Variants in ADAMTS14 observed in about 807,000 individuals in gnomAD.
ADAMTS14 encodes the protein ADAM metallopeptidase with thrombospondin type 1 motif 14.
Under a neutral mutation model 128.6 loss-of-function variants are expected in ADAMTS14, and 100 were observed. That is an observed-to-expected ratio of 0.78 (90% CI 0.66 to 0.92). The LOEUF (loss-of-function observed/expected upper bound fraction) is 0.92, where lower values mean the gene tolerates loss of function less well. ADAMTS14 is among the 40% of genes least tolerant of loss of function. The pLI is 0.00. For missense variants in ADAMTS14, 1,562 were observed against 1,658.6 expected (o/e 0.94, Z 1.01); for synonymous variants, 665 against 653.8 (o/e 1.02, Z -0.26).
chr10:70,704,605 C>G (rs1456871964), intron 3 of ADAMTS14, among the ~76,000 whole-genome samples: 1 of 150,382 alleles, frequency 6.6e-6, no homozygotes, highest in Non-Finnish European at 1.5e-5. Flanking sequence ...CAAACACACA[C>G]CCATACACCC....
intron 4 of ADAMTS14, among the ~76,000 whole-genome samples, chr10:70,724,401 G>A (rs763662192): frequency 4.6e-5 from 7 of 152,182 alleles, no homozygotes; most frequent in African/African-American, 4.8e-5. Context: ...CATGGGAAGC[G>A]ATCCGTGATC....
intron 2 of ADAMTS14, among the ~76,000 whole-genome samples, chr10:70,689,448 G>A (rs1404330771): frequency 6.9e-6 from 1 of 144,968 alleles, no homozygotes; most frequent in Non-Finnish European, 1.6e-5. Flanking sequence ...GGTGGCCTTC[G>A]AGCTGGGTGA....
chr10:70,721,023 T>C lies in ADAMTS14; in HGVS notation c.871-8271T>C, dbSNP rs566860718. Reference sequence around the variant, plus strand: ...AGAGAGCTTTTTCTCTTTTTTCTTTTTTTTTTTTTTTTTTTTTTTGAGATG... The same window carrying C: ...AGAGAGCTTTTTCTCTTTTTTCTTTCTTTTTTTTTTTTTTTTTTTGAGATG... On this transcript the variant is annotated intron_variant, in intron 4 of 21. Coordinates refer to ENST00000373207, the MANE Select transcript of ADAMTS14 (RefSeq NM_080722.4). 5.8e-5 allele frequency among the ~76,000 whole-genome samples: 8 copies of C among 137,356 alleles called. No homozygotes were observed. In the South Asian group the frequency reaches 7.8e-4, roughly 13 times the overall value. 90.1% of individuals were successfully genotyped at this position (137,356 alleles called of 152,430 possible). A position where few individuals can be genotyped will look rare whatever the true frequency, so the allele number is the denominator to read the frequency against.
At chr10:70,743,919 C>T (rs1188795280) in intron 13 of ADAMTS14, 147 bp from the exon 14 acceptor site, 12 of 1,221,206 alleles carry the variant, frequency 9.8e-6, no homozygotes, top group South Asian at 3.2e-5. Flanking sequence ...CCAGGTCCCA[C>T]GGTGAATTCG....
intron 12 of ADAMTS14, among the ~76,000 whole-genome samples, chr10:70,743,197 T>C (rs1842060224): frequency 2.6e-5 from 4 of 152,348 alleles, no homozygotes; most frequent in Non-Finnish European, 5.9e-5. Context: ...AAAGCTGTAT[T>C]TTAAGGGCAT....
intron 7 of ADAMTS14, 23 bp downstream of exon 7, chr10:70,732,382 G>T: frequency 6.3e-7 from 1 of 1,592,914 alleles, no homozygotes; most frequent in Middle Eastern, 1.7e-4. Flanking sequence ...AGCACGGTGG[G>T]TGGGACTGGC....
In ADAMTS14 at chr10:70,672,769, G is replaced by T; in HGVS notation, c.-34G>T. 1 of 1,489,758 alleles carries T rather than the reference G, an allele frequency of 6.7e-7. No homozygotes were observed. Among genetic ancestry groups the T allele is most frequent in the South Asian group, 1.3e-5 (1 of 78,668 alleles). 92.3% of individuals were successfully genotyped at this position (1,489,758 alleles called of 1,614,324 possible). A position where few individuals can be genotyped will look rare whatever the true frequency, so the allele number is the denominator to read the frequency against. On this transcript the variant is annotated 5_prime_UTR_variant, in exon 1 of 22. Transcript: ENST00000373207. ...CCCTCAGCCTGGGACTTGGGGATCG[G>T]GCGCTTGCCCAGCCCGCGTCCCAGC...
At chr10:70,715,704 G>C (rs1028207054) in intron 4 of ADAMTS14, among the ~76,000 whole-genome samples, 18 of 152,176 alleles carry the variant, frequency 1.2e-4, no homozygotes, top group African/African-American at 4.3e-4. Flanking sequence ...TGGGCTATAA[G>C]TGAGATGTTT....
intron 2 of ADAMTS14, among the ~76,000 whole-genome samples, chr10:70,696,584 T>G (rs527341535): frequency 6.6e-6 from 1 of 151,664 alleles, no homozygotes; most frequent in South Asian, 2.1e-4. Context: ...AGAGGGAAAG[T>G]GGGTGAGAGA....
chr10:70,722,200 T>C (rs1841292563), intron 4 of ADAMTS14, among the ~76,000 whole-genome samples: 1 of 152,032 alleles, frequency 6.6e-6, no homozygotes, highest in African/African-American at 2.4e-5. Flanking sequence ...TTGGGGGTGC[T>C]GGGGGCTAGA....
chr10:70,754,593 G>A (rs1400533076), intron 19 of ADAMTS14, among the ~76,000 whole-genome samples: 1 of 152,154 alleles, frequency 6.6e-6, no homozygotes, highest in Admixed American at 6.5e-5. Context: ...ATTTTACAAC[G>A]TTCCAGAAGC....
rs1426903869 is a variant in ADAMTS14, at chr10:70,760,788, G to A, written c.3607G>A (p.Gly1203Arg). ...ACCTACGCCAGTCCCTGAGGACAAA[G>A]GGCAACCTGGAGAAGACCTGAGACA... ...QTPTPVPEDK[G>R]QPGEDLRHPG... Residue 1203 changes from glycine to arginine, a missense_variant, in exon 22 of 22, where the codon GGG (glycine) becomes AGG (arginine). Gly to Arg is a moderately radical substitution (Grantham distance 125). Transcript: ENST00000373207. 1.2e-6 allele frequency: 2 copies of A among 1,609,554 alleles called. No individual in the cohort carries two copies. The highest frequency in any genetic ancestry group is 1.7e-6 in the Non-Finnish European group (2 of 1,177,212).
chr10:70,735,076 A>G (rs1242939300), intron 8 of ADAMTS14, 93 bp from the exon 9 acceptor site: 3 of 1,491,134 alleles, frequency 2.0e-6, no homozygotes, highest in Non-Finnish European at 2.7e-6. Flanking sequence ...AAATTCTTGC[A>G]GGCCTTGCTC....
chr10:70,688,616 G>C (rs1275918372), intron 2 of ADAMTS14, among the ~76,000 whole-genome samples: 2 of 102,790 alleles, frequency 1.9e-5, no homozygotes, highest in African/African-American at 3.5e-5. Context: ...CTGCAATCCC[G>C]GCACCTCGGG....
In ADAMTS14 at chr10:70,758,240, G is replaced by A. The variant is rs1201527741; in HGVS notation, c.3133G>A (p.Val1045Met). The change falls in exon 21 of 22, where the codon GTG (valine) becomes ATG (methionine). Residue 1045 changes from valine to methionine, a missense_variant. Physicochemically the swap from Val to Met is conservative, Grantham distance 21. Coordinates refer to ENST00000373207, the MANE Select transcript of ADAMTS14 (RefSeq NM_080722.4). Reference protein sequence around the residue: ...WELGTPEGQWVPQSEPLHPIN... With the variant: ...WELGTPEGQWMPQSEPLHPIN... ...ACTTGGGACGCCAGAGGGGCAGTGG[G>A]TGCCACAATCTGAACCCCTACATCC... 6.2e-7 allele frequency: 1 copy of A among 1,614,246 alleles called. No homozygotes were observed.
Position 70,759,554 on chromosome 10 carries a change from A to G in ADAMTS14, c.3179-806A>G, listed in dbSNP as rs551738217. Reference sequence around the variant, plus strand: ...TTATTATTCACTGGTAAGGGTCAACATCAGCCCCATTTTATAGGTGAAGCA... The same window carrying G: ...TTATTATTCACTGGTAAGGGTCAACGTCAGCCCCATTTTATAGGTGAAGCA... On this transcript the variant is annotated intron_variant, in intron 21 of 21. Coordinates refer to ENST00000373207, the MANE Select transcript of ADAMTS14 (RefSeq NM_080722.4). Among the ~76,000 whole-genome samples, 5 of 152,358 alleles carry G rather than the reference A, an allele frequency of 3.3e-5. No homozygotes were observed. The East Asian group carries it at 5.8e-4, about 18-fold the overall frequency.
At position 70,744,177 on chromosome 10, in the gene ADAMTS14, T is replaced by G; in HGVS notation, c.2170T>G (p.Ser724Ala). Residue 724 changes from serine (S) to alanine (A), a missense_variant, in exon 14 of 22, where the codon TCC becomes GCC. By Grantham distance (99) the Ser-to-Ala change is moderately conservative. Coordinates refer to ENST00000373207, the MANE Select transcript of ADAMTS14 (RefSeq NM_080722.4). ...TGTGAAGGGGACGCTGGGCAAGGCC[T>G]CCAAGCAGGCAGGTGAGCCGGGCTG... ...RTVKGTLGKA[S>A]KQAGALKLVQ... The G allele has an allele frequency of 3.3e-6, 5 of 1,533,902 alleles. No individual in the cohort carries two copies. The highest frequency in any genetic ancestry group is 4.4e-6 in the Non-Finnish European group (5 of 1,134,824).
chr10:70,674,588 G>T lies in ADAMTS14; in HGVS notation c.115G>T (p.Gly39Cys), dbSNP rs1839582377. The T allele has an allele frequency of 6.2e-7, 1 of 1,613,732 alleles. No homozygotes were observed. The highest frequency in any genetic ancestry group is 8.5e-7 in the Non-Finnish European group (1 of 1,179,904). Reference sequence around the variant, plus strand: ...CCTCTCTGGAAAGCTCAGTGACTATGGTGTGACAGTGCCCTGCAGCACAGA... The same window carrying T: ...CCTCTCTGGAAAGCTCAGTGACTATTGTGTGACAGTGCCCTGCAGCACAGA... ...LHLSGKLSDY[G>C]VTVPCSTDFR... Residue 39 changes from glycine to cysteine, a missense_variant, in exon 2 of 22, where the codon GGT (glycine) becomes TGT (cysteine). Coordinates refer to ENST00000373207, the MANE Select transcript of ADAMTS14 (RefSeq NM_080722.4).
chr10:70,672,722 G>C lies in ADAMTS14; in HGVS notation c.-81G>C, dbSNP rs1231385979. 1.1e-5 allele frequency: 15 copies of C among 1,381,826 alleles called. No homozygotes were observed. Among genetic ancestry groups the C allele is most frequent in the Non-Finnish European group, 1.4e-5 (15 of 1,072,272 alleles). The allele number at this position is 1,381,826 out of a possible 1,614,324, so 85.6% of individuals were successfully genotyped here. ...CAGCCAGCCGGTGCTCCGACAGCCC[G>C]GGGCGCACCCTAGCCTCGCCGCCCT... On this transcript the variant is annotated 5_prime_UTR_variant, in exon 1 of 22. Coordinates refer to ENST00000373207, the MANE Select transcript of ADAMTS14 (RefSeq NM_080722.4).
Sources: allele counts gnomAD v4.1 joint callset (sites outside exome capture counted in the v4.1 genomes callset), GRCh38; gene constraint gnomAD v4.1.1; transcripts MANE v1.5; gene names NCBI Gene and HGNC (gene_info 2026-07-23, HGNC 2026-07-21).